DCDC1: variants seen among roughly 807,000 people sequenced by gnomAD.
The protein encoded by DCDC1 is doublecortin domain containing 1.
Under a neutral mutation model 178.3 loss-of-function variants are expected in DCDC1, and 200 were observed. That is an observed-to-expected ratio of 1.12 (90% CI 1.00 to 1.26). The LOEUF (loss-of-function observed/expected upper bound fraction) is 1.26. Ranked by LOEUF, DCDC1 falls within the 50% of genes most tolerant of loss-of-function variation. DCDC1 has a pLI of 0.00. For missense variants in DCDC1, 1,983 were observed against 1,749.2 expected (o/e 1.13, Z -2.38); for synonymous variants, 690 against 604.8 (o/e 1.14, Z -2.07).
At chr11:31,202,671 A>T (rs1327214338) in intron 9 of DCDC1, among the ~76,000 whole-genome samples, 1 of 152,168 alleles carries the variant, frequency 6.6e-6, no homozygotes, top group Non-Finnish European at 1.5e-5. Flanking sequence ...AATCAAAAGG[A>T]CATAGCCAGG....
At chr11:31,243,058 C>T (rs952261334) in intron 8 of DCDC1, among the ~76,000 whole-genome samples, 9 of 151,630 alleles carry the variant, frequency 5.9e-5, no homozygotes, top group African/African-American at 9.7e-5. Context: ...ATCTATCAAC[C>T]TCATTTTTAT....
At chr11:31,137,401 G>T (rs564609676) in intron 10 of DCDC1, among the ~76,000 whole-genome samples, 1 of 149,144 alleles carries the variant, frequency 6.7e-6, no homozygotes, top group Non-Finnish European at 1.5e-5. Flanking sequence ...CCAGGCTGGA[G>T]TGCAGTCGCG....
chr11:31,108,258 C>T (rs1389074492), intron 12 of DCDC1, among the ~76,000 whole-genome samples: 1 of 152,156 alleles, frequency 6.6e-6, no homozygotes, highest in African/African-American at 2.4e-5. Flanking sequence ...ACTTCCCATC[C>T]AGCATAGCCA....
At chr11:31,219,046 A>C (rs1973931965) in intron 9 of DCDC1, among the ~76,000 whole-genome samples, 2 of 152,118 alleles carry the variant, frequency 1.3e-5, no homozygotes, top group Non-Finnish European at 2.9e-5. Flanking sequence ...GGAAGAACGG[A>C]GCTCCGAAGG....
intron 20 of DCDC1, among the ~76,000 whole-genome samples, chr11:30,984,408 C>T (rs1250231379): frequency 6.6e-6 from 1 of 152,112 alleles, no homozygotes; most frequent in African/African-American, 2.4e-5. Flanking sequence ...TTTTCTCTCA[C>T]AAAAATTCAC....
chr11:31,261,345 C>T (rs1463245746), intron 8 of DCDC1, among the ~76,000 whole-genome samples: 1 of 152,010 alleles, frequency 6.6e-6, no homozygotes. Flanking sequence ...TTTCCCAAAC[C>T]CTAGTTTCCC....
intron 7 of DCDC1, among the ~76,000 whole-genome samples, chr11:31,266,262 A>G (rs922934302): frequency 4.6e-5 from 7 of 152,168 alleles, no homozygotes; most frequent in Non-Finnish European, 7.4e-5. Context: ...CTCTCTTTTA[A>G]TATTACAATA....
rs1948486176 is a variant in DCDC1, at chr11:30,952,479, A to G, written c.2681T>C (p.Met894Thr). Residue 894 changes from methionine (M) to threonine (T), a missense_variant, in exon 21 of 39, where the codon ATG (methionine) becomes ACG (threonine). By Grantham distance (81) the Met-to-Thr change is moderately conservative (BLOSUM62 -1). Transcript: ENST00000684477. ...TTGGCCACTGGGAAGGACAGGCCAC[A>G]TGTAGGTAAGCTTGTTCCATAGAGG... is the stretch of plus-strand genomic sequence containing the variant. ...ENPLWNKLTY[M>T]WPVLPSGQLN... The G allele has an allele frequency of 6.3e-7, 1 of 1,585,476 alleles. No individual in the cohort carries two copies. Among genetic ancestry groups the G allele is most frequent in the South Asian group, 1.1e-5 (1 of 89,262 alleles).
chr11:31,263,789 C>T (rs1343174057), intron 8 of DCDC1, among the ~76,000 whole-genome samples: 1 of 152,150 alleles, frequency 6.6e-6, no homozygotes, highest in Non-Finnish European at 1.5e-5. Context: ...CCCAAAATCA[C>T]TTCAGTTGTC....
intron 12 of DCDC1, among the ~76,000 whole-genome samples, chr11:31,107,802 C>A (rs1958948696): frequency 6.6e-6 from 1 of 152,164 alleles, no homozygotes; most frequent in African/African-American, 2.4e-5. Context: ...CCACCCTATC[C>A]ATCACTCTTC....
At chr11:31,170,330 C>T (rs775345743) in intron 9 of DCDC1, among the ~76,000 whole-genome samples, 1 of 152,124 alleles carries the variant, frequency 6.6e-6, no homozygotes, top group Non-Finnish European at 1.5e-5. Context: ...GGGTCATTTC[C>T]AGTTTCTTCT....
rs547934809 is a variant in DCDC1, at chr11:31,010,339, TAGG to T, written c.2591+54127_2591+54129del. On this transcript the variant is annotated intron_variant, in intron 20 of 38. Coordinates refer to ENST00000684477, the MANE Select transcript of DCDC1 (RefSeq NM_001387274.1). ...TCACTTCCAAGCTCCCTCAGGTTGT[TAGG>T]AGAACTCACTTCCCTGCAGCTGCAT... is the stretch of plus-strand genomic sequence containing the variant. Among the ~76,000 whole-genome samples, 339 of 152,292 alleles carry T rather than the reference TAGG, an allele frequency of 2.2e-3. 1 individual carries two copies. The highest frequency in any genetic ancestry group is 3.6e-3 in the Non-Finnish European group (246 of 68,004).
At chr11:31,311,245 C>A (rs1003483063) in intron 3 of DCDC1, among the ~76,000 whole-genome samples, 6 of 152,076 alleles carry the variant, frequency 3.9e-5, no homozygotes, top group African/African-American at 1.4e-4. Flanking sequence ...GGCAAGCCTG[C>A]ATATGGGAAA....
chr11:31,247,128 C>T (rs1298715111), intron 8 of DCDC1, among the ~76,000 whole-genome samples: 1 of 151,924 alleles, frequency 6.6e-6, no homozygotes, highest in African/African-American at 2.4e-5. Flanking sequence ...ACTGTTTTTA[C>T]CTGAGTAAAA....
At chr11:30,937,664 T>C (rs984704814) in intron 21 of DCDC1, among the ~76,000 whole-genome samples, 12 of 152,164 alleles carry the variant, frequency 7.9e-5, no homozygotes, top group Admixed American at 7.9e-4. Context: ...TCCTCTCTCC[T>C]TACAAAGACC....
chr11:31,139,483 C>A (rs1461364035), intron 9 of DCDC1, among the ~76,000 whole-genome samples: 1 of 152,192 alleles, frequency 6.6e-6, no homozygotes, highest in Non-Finnish European at 1.5e-5. Context: ...GAGCTCTCAT[C>A]TCGAGAGGAA....
At chr11:30,871,030 T>C (rs1941500652) in intron 38 of DCDC1, among the ~76,000 whole-genome samples, 1 of 152,228 alleles carries the variant, frequency 6.6e-6, no homozygotes, top group Non-Finnish European at 1.5e-5. Context: ...CTTTGCATCA[T>C]GTGTCCCTGA....
chr11:31,010,251 CA>C (rs1268565125), intron 20 of DCDC1, among the ~76,000 whole-genome samples: 1 of 152,208 alleles, frequency 6.6e-6, no homozygotes, highest in African/African-American at 2.4e-5. Flanking sequence ...GAGTGTTTCA[CA>C]AGGCAGCAAT....
chr11:30,888,074 GAGAGAGAGAGAA>G (rs1943366649), intron 36 of DCDC1, among the ~76,000 whole-genome samples: 3 of 103,700 alleles, frequency 2.9e-5, no homozygotes, highest in African/African-American at 9.7e-5. Flanking sequence ...GAGAGAGAGA[GAGAGAGAGAGAA>G]AGAAAGAAAG....
Sources: allele counts gnomAD v4.1 joint callset (sites outside exome capture counted in the v4.1 genomes callset), GRCh38; gene constraint gnomAD v4.1.1; transcripts MANE v1.5; gene names NCBI Gene and HGNC (gene_info 2026-07-23, HGNC 2026-07-21).